UBE2U: variants seen among roughly 807,000 people sequenced by gnomAD.
UBE2U encodes ubiquitin-conjugating enzyme E2 U.
A neutral mutation model predicts 41.2 loss-of-function variants in UBE2U; 39 were observed. That is an observed-to-expected ratio of 0.95 (90% confidence interval 0.73 to 1.24). The LOEUF (loss-of-function observed/expected upper bound fraction) is 1.24, where lower values mean the gene tolerates loss of function less well. UBE2U is among the 50% of genes most tolerant of loss of function. The probability of loss-of-function intolerance (pLI) is 0.00; values close to 1 mark genes in which losing one functional copy is unlikely to be tolerated. For synonymous variants in UBE2U, 107 were observed against 117.8 expected (o/e 0.91, Z 0.60); for missense variants, 336 against 363.1 (o/e 0.93, Z 0.61).
intron 8 of UBE2U, among the ~76,000 whole-genome samples, chr1:64,248,393 A>G (rs1292482659): frequency 1.3e-5 from 2 of 152,158 alleles, no homozygotes; most frequent in Non-Finnish European, 2.9e-5. Context: ...GGAAGCAAAA[A>G]AGTTCCTTTA....
chr1:64,243,226 A>G (rs986209834), intron 8 of UBE2U, among the ~76,000 whole-genome samples: 4 of 152,180 alleles, frequency 2.6e-5, no homozygotes, highest in Admixed American at 2.0e-4. Flanking sequence ...TGCTGCTTCA[A>G]AACGCTGGTG....
chr1:64,207,141 A>G (rs900002891), intron 3 of UBE2U, among the ~76,000 whole-genome samples: 2 of 151,720 alleles, frequency 1.3e-5, no homozygotes, highest in African/African-American at 4.8e-5. Context: ...TAGGTTTTTG[A>G]TTTTATTTAT....
At chr1:64,216,737 T>C (rs1196908364) in intron 5 of UBE2U, among the ~76,000 whole-genome samples, 1 of 152,232 alleles carries the variant, frequency 6.6e-6, no homozygotes, top group African/African-American at 2.4e-5. Flanking sequence ...CCCAAACTTT[T>C]CCCCAACATT....
intron 2 of UBE2U, 24 bp downstream of exon 2, chr1:64,205,744 A>G: frequency 6.3e-7 from 1 of 1,595,070 alleles, no homozygotes. Context: ...AAACCAATCT[A>G]TTTTTTAAAA....
chr1:64,239,074 G>GGAAGAAGAAGAAGAA lies in UBE2U; in HGVS notation c.596-2573_596-2572insAGAAGAAGAAGAAGA, dbSNP rs1399835129. Among the ~76,000 whole-genome samples the GGAAGAAGAAGAAGAA allele has an allele frequency of 8.4e-4, 53 of 62,754 alleles. 1 individual carries two copies. In the East Asian group the frequency reaches 0.022, roughly 26 times the overall value. 41.2% of individuals were successfully genotyped at this position (62,754 alleles called of 152,430 possible). A position where few individuals can be genotyped will look rare whatever the true frequency, so the allele number is the denominator to read the frequency against. On this transcript the variant is annotated intron_variant, in intron 7 of 9. Transcript: ENST00000371077. ...AAGAAGAAGAAGAAGAAGAGGAAGA[G>GGAAGAAGAAGAAGAA]GAAGAGGAAGAGGAAGAGGAAGAAG...
intron 7 of UBE2U, among the ~76,000 whole-genome samples, chr1:64,238,423 TA>T (rs1194114374): frequency 6.8e-6 from 1 of 147,612 alleles, no homozygotes; most frequent in Admixed American, 6.7e-5. Flanking sequence ...AAAGAAAAGA[TA>T]AAAAAGAAAA....
intron 7 of UBE2U, among the ~76,000 whole-genome samples, chr1:64,236,306 T>G (rs1206565939): frequency 6.6e-6 from 1 of 152,198 alleles, no homozygotes; most frequent in Non-Finnish European, 1.5e-5. Flanking sequence ...CACTCCACAT[T>G]TGTTGCTCTT....
Position 64,260,005 on chromosome 1 carries a change from G to A in UBE2U, c.678-598G>A, listed in dbSNP as rs570701976. 5.9e-5 allele frequency among the ~76,000 whole-genome samples: 9 copies of A among 151,642 alleles called. No homozygotes were observed. In the South Asian group the frequency reaches 1.9e-3, roughly 32 times the overall value. On this transcript the variant is annotated intron_variant, in intron 8 of 9. Coordinates refer to ENST00000371077, the MANE Select transcript of UBE2U (RefSeq NM_001366232.2). ...GATTTAGGTGGACCCTGAGTCCAAT[G>A]ACTGTTGTCCTTATAAGAGAGCAGA...
intron 7 of UBE2U, among the ~76,000 whole-genome samples, chr1:64,233,042 C>G (rs1423998380): frequency 6.6e-6 from 1 of 151,206 alleles, no homozygotes; most frequent in East Asian, 1.9e-4. Context: ...GAGTCTGGCT[C>G]TGTTGCCCAG....
At chr1:64,206,624 C>T (rs1000338121) in intron 2 of UBE2U, 140 bp from the exon 3 acceptor site, 7 of 582,768 alleles carry the variant, frequency 1.2e-5, no homozygotes, top group African/African-American at 5.8e-5. Context: ...CCAGAGGAGT[C>T]GGTGCACTCT....
At position 64,204,090 on chromosome 1, in the gene UBE2U, T is replaced by C. The variant is rs1192675360; in HGVS notation, c.40T>C (p.Cys14Arg). ...TTACCTCTTGCTGCACAGAGACTTC[T>C]GTGATCTCAAGGAGAACAATTATAA... ...RAYLLLHRDF[C>R]DLKENNYKGI... Residue 14 changes from cysteine to arginine, a missense_variant, in exon 1 of 10, where the codon TGT becomes CGT. Coordinates refer to ENST00000371077, the MANE Select transcript of UBE2U (RefSeq NM_001366232.2). The C allele has an allele frequency of 6.2e-7, 1 of 1,613,984 alleles. No individual in the cohort carries two copies. Among genetic ancestry groups the C allele is most frequent in the East Asian group, 2.2e-5 (1 of 44,862 alleles).
intron 8 of UBE2U, among the ~76,000 whole-genome samples, chr1:64,249,608 G>C (rs1372743699): frequency 6.6e-6 from 1 of 151,700 alleles, no homozygotes; most frequent in African/African-American, 2.4e-5. Flanking sequence ...GGAATATCTA[G>C]AGATAAAAAT....
At chr1:64,225,547 A>G (rs1021551753) in intron 6 of UBE2U, among the ~76,000 whole-genome samples, 2 of 152,268 alleles carry the variant, frequency 1.3e-5, no homozygotes, top group African/African-American at 4.8e-5. Flanking sequence ...TTTAACTGCC[A>G]TGAGGGCAAT....
intron 5 of UBE2U, among the ~76,000 whole-genome samples, chr1:64,217,442 T>C (rs1425434974): frequency 2.0e-5 from 3 of 152,220 alleles, no homozygotes; most frequent in Non-Finnish European, 2.9e-5. Context: ...TGAGCTTTCA[T>C]AGGTTTCATA....
intron 7 of UBE2U, among the ~76,000 whole-genome samples, chr1:64,239,065 AGAG>A (rs1315659850): frequency 5.6e-4 from 38 of 67,474 alleles, no homozygotes; most frequent in South Asian, 3.0e-3. Context: ...AAGAAGAAGA[AGAG>A]GAAGAGGAAG....
intron 4 of UBE2U, 95 bp from the exon 5 acceptor site, chr1:64,214,720 A>ATACATGC: frequency 1.2e-6 from 1 of 862,452 alleles, no homozygotes. Flanking sequence ...TAAGCATTTA[A>ATACATGC]TACATGCTTA....
At position 64,249,759 on chromosome 1, in the gene UBE2U, A is replaced by G. The variant is rs541426086; in HGVS notation, c.677+8026A>G. ...AGAAAAAAAGACTGAAAAGAAACGA[A>G]AGAGCCTCAGTGAGCTGTGGGACAA... On this transcript the variant is annotated intron_variant, in intron 8 of 9. Coordinates refer to ENST00000371077, the MANE Select transcript of UBE2U (RefSeq NM_001366232.2). Among the ~76,000 whole-genome samples the G allele has an allele frequency of 5.7e-4, 87 of 152,126 alleles. 1 individual carries two copies. The South Asian group carries it at 0.012, about 21-fold the overall frequency.
Position 64,250,464 on chromosome 1 carries a change from C to A in UBE2U, c.677+8731C>A, listed in dbSNP as rs567994283. Among the ~76,000 whole-genome samples, 20 of 152,282 alleles carry A rather than the reference C, an allele frequency of 1.3e-4. 1 individual carries two copies. The highest frequency in any genetic ancestry group is 4.8e-4 in the African/African-American group (20 of 41,558). Reference sequence around the variant, plus strand: ...GAAGGAAACACTTCCCAGCACGTTACAGGGTCAGCATTACCTCAATAACAA... The same window carrying A: ...GAAGGAAACACTTCCCAGCACGTTAAAGGGTCAGCATTACCTCAATAACAA... On this transcript the variant is annotated intron_variant, in intron 8 of 9. Transcript: ENST00000371077.
At chr1:64,250,495 A>G (rs1046834404) in intron 8 of UBE2U, among the ~76,000 whole-genome samples, 1 of 152,186 alleles carries the variant, frequency 6.6e-6, no homozygotes, top group Non-Finnish European at 1.5e-5. Context: ...AACAAAACCA[A>G]AGACAGTATA....
Sources: allele counts gnomAD v4.1 joint callset (sites outside exome capture counted in the v4.1 genomes callset), GRCh38; gene constraint gnomAD v4.1.1; transcripts MANE v1.5; gene names NCBI Gene and HGNC (gene_info 2026-07-23, HGNC 2026-07-21).